The following SKIC3 variants were observed in gnomAD, a reference collection of about 807,000 sequenced individuals.
The protein encoded by SKIC3 is superkiller complex protein 3.
At chr5:95,534,421 T>C in the SKIC3 span, among the ~76,000 whole-genome samples, 2 of 152,148 alleles carry the variant, frequency 1.3e-5, no homozygotes, top group African/African-American at 4.8e-5. Context: ...CTTCACTTTC[T>C]CATCCTACTA....
chr5:95,476,550 T>C, the SKIC3 span, among the ~76,000 whole-genome samples: 1 of 152,212 alleles, frequency 6.6e-6, no homozygotes, highest in African/African-American at 2.4e-5. Context: ...TGTCAAATGT[T>C]TTTTCAAGAA....
chr5:95,522,932 G>A, the SKIC3 span, among the ~76,000 whole-genome samples: 1 of 152,070 alleles, frequency 6.6e-6, no homozygotes. Context: ...ATGTACCTCA[G>A]CTTCTCATCA....
At chr5:95,524,003 G>A in the SKIC3 span, among the ~76,000 whole-genome samples, 1 of 152,124 alleles carries the variant, frequency 6.6e-6, no homozygotes, top group Non-Finnish European at 1.5e-5. Context: ...AGACAGGAAA[G>A]CTGTCCCTCA....
chr5:95,535,618 C>A, the SKIC3 span, among the ~76,000 whole-genome samples: 1 of 150,952 alleles, frequency 6.6e-6, no homozygotes, highest in African/African-American at 2.4e-5. Context: ...CCAGTAACAG[C>A]ATTTTTTAAT....
the SKIC3 span, among the ~76,000 whole-genome samples, chr5:95,496,422 C>T: frequency 6.6e-6 from 1 of 152,080 alleles, no homozygotes; most frequent in Non-Finnish European, 1.5e-5. Context: ...AGGAGACCTA[C>T]ATCAGAATAA....
the SKIC3 span, chr5:95,502,820 T>C: frequency 6.2e-7 from 1 of 1,602,972 alleles, no homozygotes; most frequent in East Asian, 2.2e-5. Flanking sequence ...CTTTCTCCAA[T>C]TCTCAACCCA....
the SKIC3 span, among the ~76,000 whole-genome samples, chr5:95,508,176 G>C: frequency 1.2e-4 from 18 of 152,246 alleles, no homozygotes; most frequent in Admixed American, 1.2e-3. Flanking sequence ...GAACTACGGA[G>C]AGATCCATAA....
the SKIC3 span, chr5:95,517,302 T>G: frequency 1.2e-5 from 19 of 1,612,960 alleles, no homozygotes; most frequent in African/African-American, 2.4e-4. Flanking sequence ...GCAGGACACA[T>G]CAGCTCGATG....
the SKIC3 span, among the ~76,000 whole-genome samples, chr5:95,499,420 GC>G: frequency 1.3e-5 from 2 of 152,026 alleles, no homozygotes; most frequent in African/African-American, 2.4e-5. Flanking sequence ...TCCTGAGGCC[GC>G]CCCAGAAGCA....
At chr5:95,509,693 A>G in the SKIC3 span, 1 of 1,587,048 alleles carries the variant, frequency 6.3e-7, no homozygotes, top group African/African-American at 1.3e-5. Flanking sequence ...TCTTTCTAGA[A>G]AATGAGAAAT....
At chr5:95,503,644 A>C in the SKIC3 span, among the ~76,000 whole-genome samples, 4 of 152,176 alleles carry the variant, frequency 2.6e-5, no homozygotes, top group Admixed American at 2.6e-4. Context: ...ATAACATTCT[A>C]AATGAGGTAA....
At chr5:95,464,433 G>T in the SKIC3 span, 1 of 567,400 alleles carries the variant, frequency 1.8e-6, no homozygotes, top group Non-Finnish European at 3.1e-6. Context: ...ATTAAAATCA[G>T]GTTTGGAGTT....
chr5:95,536,687 T>G, the SKIC3 span: 1 of 791,192 alleles, frequency 1.3e-6, no homozygotes, highest in East Asian at 2.4e-5. Flanking sequence ...CACATTATAC[T>G]TCTTTTTATG....
chr5:95,498,409 C>T, the SKIC3 span: 6 of 1,614,092 alleles, frequency 3.7e-6, no homozygotes, highest in East Asian at 6.7e-5. Flanking sequence ...CACAGCCACA[C>T]TGCGGCCTTG....
the SKIC3 span, chr5:95,497,419 T>C: frequency 6.2e-7 from 1 of 1,612,604 alleles, no homozygotes; most frequent in Non-Finnish European, 8.5e-7. Flanking sequence ...ACTTTACCTT[T>C]GCATTTCGTT....
At chr5:95,476,418 TAATAAAACTTTCA>T in the SKIC3 span, among the ~76,000 whole-genome samples, 1 of 152,222 alleles carries the variant, frequency 6.6e-6, no homozygotes, top group African/African-American at 2.4e-5. Flanking sequence ...TTATCACATA[TAATAAAACTTTCA>T]AATAAAGACT....
the SKIC3 span, chr5:95,536,870 T>C: frequency 2.2e-5 from 36 of 1,613,620 alleles, no homozygotes; most frequent in Non-Finnish European, 3.1e-5. Context: ...TACAGTAGGA[T>C]AGATGTTTAT....
At chr5:95,465,234 T>A in the SKIC3 span, among the ~76,000 whole-genome samples, 2 of 152,156 alleles carry the variant, frequency 1.3e-5, no homozygotes, top group African/African-American at 2.4e-5. Flanking sequence ...CCAGCCTGAT[T>A]GCTATCGTTA....
At chr5:95,531,230 A>C in the SKIC3 span, among the ~76,000 whole-genome samples, 1 of 152,228 alleles carries the variant, frequency 6.6e-6, no homozygotes, top group Non-Finnish European at 1.5e-5. Context: ...CCAATGTATA[A>C]TCCATTAGTA....
Sources: gnomAD v4.1 joint callset for allele counts (sites outside exome capture counted in the v4.1 genomes callset) on GRCh38, gnomAD v4.1.1 for gene constraint, MANE v1.5 for transcripts, NCBI Gene and HGNC (gene_info 2026-07-23, HGNC 2026-07-21) for gene names.